Variants in ZBTB7C observed in about 807,000 individuals in gnomAD.
The protein encoded by ZBTB7C is zinc finger and BTB domain containing 7C, also known as zinc finger and BTB domain-containing protein 7C.
A neutral mutation model predicts 25.7 loss-of-function variants in ZBTB7C; 8 were observed. That is an observed-to-expected ratio of 0.31 (90% CI 0.18 to 0.56). The LOEUF is 0.56. Among genes scored for constraint, ZBTB7C ranks in the 20% least tolerant of loss-of-function variants. The pLI, the probability that ZBTB7C is intolerant of heterozygous loss-of-function variation, is 0.91. For missense variants in ZBTB7C, 824 were observed against 855.2 expected (o/e 0.96, Z 0.46); for synonymous variants, 394 against 369.0 (o/e 1.07, Z -0.78).
upstream of ZBTB7C, among the ~76,000 whole-genome samples, chr18:48,411,055 TTA>T (rs1491587877): frequency 4.6e-5 from 7 of 151,744 alleles, no homozygotes; most frequent in African/African-American, 1.5e-4. Flanking sequence ...GGATTTTTTT[TTA>T]AACCATTTCA....
chr18:48,158,021 C>T (rs184242543), intron 3 of ZBTB7C, among the ~76,000 whole-genome samples: 2 of 152,108 alleles, frequency 1.3e-5, no homozygotes, highest in Admixed American at 6.5e-5. Context: ...GCCCTGGGGA[C>T]CATCTCTGTT....
intron 2 of ZBTB7C, among the ~76,000 whole-genome samples, chr18:48,274,320 A>ATCTTGTTG (rs1347253008): frequency 6.6e-6 from 1 of 152,144 alleles, no homozygotes; most frequent in Admixed American, 6.5e-5. Flanking sequence ...TTGAACTTGA[A>ATCTTGTTG]TCTTGTTGTT....
chr18:48,287,279 T>A (rs1004462056), intron 2 of ZBTB7C, among the ~76,000 whole-genome samples: 1 of 152,242 alleles, frequency 6.6e-6, no homozygotes, highest in Non-Finnish European at 1.5e-5. Flanking sequence ...AATATTTTTA[T>A]ATGCTTTATT....
chr18:48,368,178 C>CA (rs1326090034), intron 1 of ZBTB7C, among the ~76,000 whole-genome samples: 2 of 121,900 alleles, frequency 1.6e-5, no homozygotes, highest in Admixed American at 9.1e-5. Flanking sequence ...GTAGGCATCA[C>CA]AAAAAAATGC....
intron 2 of ZBTB7C, among the ~76,000 whole-genome samples, chr18:48,190,429 A>G (rs2042164881): frequency 1.3e-5 from 2 of 152,052 alleles, no homozygotes; most frequent in South Asian, 4.2e-4. Context: ...CTGCCTGCCA[A>G]CTCCGTGCAG....
intron 2 of ZBTB7C, among the ~76,000 whole-genome samples, chr18:48,307,930 C>T (rs1273962086): frequency 1.3e-5 from 2 of 152,158 alleles, no homozygotes; most frequent in Admixed American, 1.3e-4. Flanking sequence ...CAATGGCTGT[C>T]GTGGAAGCCA....
At chr18:48,178,218 C>G (rs888688333) in intron 3 of ZBTB7C, among the ~76,000 whole-genome samples, 2 of 152,218 alleles carry the variant, frequency 1.3e-5, no homozygotes, top group Non-Finnish European at 2.9e-5. Context: ...CTCATGCGGA[C>G]CCCTGTGGAG....
intron 2 of ZBTB7C, among the ~76,000 whole-genome samples, chr18:48,246,443 T>C (rs969195153): frequency 6.7e-6 from 1 of 149,790 alleles, no homozygotes; most frequent in African/African-American, 2.5e-5. Context: ...AAAAAATAAA[T>C]AATAAAATAA....
chr18:48,187,234 GGAATGGGGCAGATAT>G (rs1432199426), intron 2 of ZBTB7C, among the ~76,000 whole-genome samples: 6 of 152,216 alleles, frequency 3.9e-5, no homozygotes. Context: ...CTCCTGCAAG[GGAATGGGGCAGATAT>G]CTGTACATCC....
chr18:48,227,019 CAAAAAAA>C (rs1187830776), intron 2 of ZBTB7C, among the ~76,000 whole-genome samples: 15 of 56,154 alleles, frequency 2.7e-4, no homozygotes, highest in South Asian at 7.5e-4. Context: ...GACTCCATCT[CAAAAAAA>C]AAAAAAAAAA....
chr18:48,303,021 G>A (rs954856147), intron 2 of ZBTB7C, among the ~76,000 whole-genome samples: 1 of 152,216 alleles, frequency 6.6e-6, no homozygotes, highest in Non-Finnish European at 1.5e-5. Context: ...CAGCAGGCCA[G>A]GCTGCCAAAG....
At chr18:48,368,820 G>C (rs1188754450) in intron 1 of ZBTB7C, among the ~76,000 whole-genome samples, 3 of 13,294 alleles carry the variant, frequency 2.3e-4, no homozygotes, top group Non-Finnish European at 4.1e-4. Flanking sequence ...CCTATTTCCA[G>C]TGAAAAGACC....
At chr18:48,056,404 T>G (rs1347471364) in intron 3 of ZBTB7C, among the ~76,000 whole-genome samples, 1 of 152,174 alleles carries the variant, frequency 6.6e-6, no homozygotes, top group Non-Finnish European at 1.5e-5. Context: ...AAATAAGCAT[T>G]TAGGAATAGC....
intron 1 of ZBTB7C, among the ~76,000 whole-genome samples, chr18:48,369,861 C>CTGT (rs2047345008): frequency 6.6e-6 from 1 of 152,126 alleles, no homozygotes; most frequent in Non-Finnish European, 1.5e-5. Flanking sequence ...AGCAAGCATA[C>CTGT]AGAATAACCC....
intron 1 of ZBTB7C, among the ~76,000 whole-genome samples, chr18:48,370,497 T>C (rs1420263218): frequency 6.6e-6 from 1 of 152,206 alleles, no homozygotes; most frequent in African/African-American, 2.4e-5. Context: ...TTCTCCATCT[T>C]GACTATATTT....
At chr18:48,395,148 A>G (rs1052216841) in intron 1 of ZBTB7C, among the ~76,000 whole-genome samples, 2 of 152,082 alleles carry the variant, frequency 1.3e-5, no homozygotes, top group Non-Finnish European at 2.9e-5. Context: ...CCTCCTGCTC[A>G]TGGTCATTAT....
chr18:48,094,562 A>AGAT (rs2038543967), intron 3 of ZBTB7C, among the ~76,000 whole-genome samples: 1 of 152,206 alleles, frequency 6.6e-6, no homozygotes, highest in Admixed American at 6.5e-5. Flanking sequence ...GGTAGAAGGT[A>AGAT]GATTGAGTTC....
chr18:48,147,058 CT>C (rs1285760589), intron 3 of ZBTB7C, among the ~76,000 whole-genome samples: 3 of 152,100 alleles, frequency 2.0e-5, no homozygotes, highest in African/African-American at 7.2e-5. Flanking sequence ...GATGGAGTTG[CT>C]TCAGTAATTT....
chr18:48,107,691 A>G (rs1284252773), intron 3 of ZBTB7C, among the ~76,000 whole-genome samples: 1 of 152,112 alleles, frequency 6.6e-6, no homozygotes, highest in African/African-American at 2.4e-5. Flanking sequence ...GTGCTCCCAG[A>G]CAACACATGG....
Sources: allele counts gnomAD v4.1 joint callset (sites outside exome capture counted in the v4.1 genomes callset), GRCh38; gene constraint gnomAD v4.1.1; transcripts MANE v1.5; gene names NCBI Gene and HGNC (gene_info 2026-07-23, HGNC 2026-07-21).